The following DENND1A variants were observed in gnomAD, a reference collection of about 807,000 sequenced individuals.
DENND1A encodes the protein DENN domain-containing protein 1A.
Under a neutral mutation model 113.7 loss-of-function variants are expected in DENND1A, and 51 were observed. The ratio of observed to expected loss-of-function variants is 0.45; its 90% confidence interval spans 0.36 to 0.57. DENND1A has a LOEUF of 0.57. Ranked by LOEUF, DENND1A falls within the 20% of genes least tolerant of loss-of-function variation. The pLI is 0.00. For synonymous variants in DENND1A, 565 were observed against 570.8 expected (o/e 0.99, Z 0.14); for missense variants, 1,258 against 1,395.9 (o/e 0.90, Z 1.57).
intron 1 of DENND1A, among the ~76,000 whole-genome samples, chr9:123,881,612 T>C (rs2133599568): frequency 6.6e-6 from 1 of 152,348 alleles, no homozygotes; most frequent in East Asian, 1.9e-4. Context: ...TTAATTTATT[T>C]TTATGCATTT....
chr9:123,861,693 G>C (rs1845073889), intron 2 of DENND1A, among the ~76,000 whole-genome samples: 1 of 152,144 alleles, frequency 6.6e-6, no homozygotes, highest in Non-Finnish European at 1.5e-5. Context: ...TCAAGAGAAA[G>C]CAAACAAAGC....
chr9:123,678,352 C>G (rs1173508117), intron 5 of DENND1A, among the ~76,000 whole-genome samples: 1 of 152,192 alleles, frequency 6.6e-6, no homozygotes, highest in Non-Finnish European at 1.5e-5. Flanking sequence ...TATCCACACC[C>G]CCAAGCAGTT....
chr9:123,440,083 G>C (rs2046813729), intron 19 of DENND1A: 2 of 293,856 alleles, frequency 6.8e-6, no homozygotes, highest in South Asian at 8.4e-5. Flanking sequence ...CTTAAGCAGA[G>C]TGCCTTGGAG....
At chr9:123,683,048 G>A (rs1284669257) in intron 5 of DENND1A, among the ~76,000 whole-genome samples, 1 of 151,240 alleles carries the variant, frequency 6.6e-6, no homozygotes, top group Non-Finnish European at 1.5e-5. Context: ...ACCCTTTCAA[G>A]TTTCACCTAG....
chr9:123,653,155 T>C (rs1190320989), intron 8 of DENND1A, among the ~76,000 whole-genome samples: 2 of 152,210 alleles, frequency 1.3e-5, no homozygotes, highest in Non-Finnish European at 2.9e-5. Flanking sequence ...ACAAAGTGCT[T>C]TTCAACAATA....
intron 12 of DENND1A, among the ~76,000 whole-genome samples, chr9:123,559,188 C>T (rs1484564564): frequency 6.6e-6 from 1 of 152,094 alleles, no homozygotes; most frequent in Non-Finnish European, 1.5e-5. Context: ...AGAACCCTGG[C>T]TTCGGTGGCG....
intron 10 of DENND1A, among the ~76,000 whole-genome samples, chr9:123,615,307 G>A (rs1409676360): frequency 2.6e-5 from 4 of 152,212 alleles, no homozygotes; most frequent in South Asian, 2.1e-4. Context: ...TTCATCTGAC[G>A]TCACACAGCT....
At chr9:123,605,183 T>C (rs1000401326) in intron 11 of DENND1A, among the ~76,000 whole-genome samples, 1 of 152,178 alleles carries the variant, frequency 6.6e-6, no homozygotes, top group Non-Finnish European at 1.5e-5. Context: ...CTGTCATTGC[T>C]GTCACCTTTC....
chr9:123,513,156 T>G (rs899555556), intron 13 of DENND1A, among the ~76,000 whole-genome samples: 3 of 152,188 alleles, frequency 2.0e-5, no homozygotes, highest in African/African-American at 7.2e-5. Flanking sequence ...TGGCCTGACC[T>G]CTGGGTGGAA....
chr9:123,920,160 G>A (rs1855954424), intron 1 of DENND1A, among the ~76,000 whole-genome samples: 1 of 152,226 alleles, frequency 6.6e-6, no homozygotes, highest in Non-Finnish European at 1.5e-5. Context: ...GCCGGGCATG[G>A]TGGCTCAAGC....
chr9:123,849,113 C>G (rs549114852), intron 2 of DENND1A, among the ~76,000 whole-genome samples: 1 of 152,306 alleles, frequency 6.6e-6, no homozygotes, highest in Non-Finnish European at 1.5e-5. Flanking sequence ...GCTACACTAA[C>G]AAAAGATTTT....
At chr9:123,708,909 T>C (rs73665344) in intron 5 of DENND1A, among the ~76,000 whole-genome samples, 27,948 of 152,144 alleles carry the variant, frequency 0.18, 2,730 homozygotes, top group African/African-American at 0.26. Flanking sequence ...GACTTTACTG[T>C]TATGTATGAT....
intron 22 of DENND1A, 36 bp downstream of exon 22, chr9:123,387,694 G>A: frequency 7.8e-7 from 1 of 1,287,034 alleles, no homozygotes; most frequent in Non-Finnish European, 1.0e-6. Flanking sequence ...GAGTCACCAA[G>A]CCGAGCTCAG....
intron 2 of DENND1A, among the ~76,000 whole-genome samples, chr9:123,812,154 T>A (rs2132464606): frequency 6.6e-6 from 1 of 152,336 alleles, no homozygotes; most frequent in South Asian, 2.1e-4. Context: ...GTACGTTTAA[T>A]ATATATAAAT....
chr9:123,380,711 AT>A lies in DENND1A; in HGVS notation c.*720del, dbSNP rs67337649. On this transcript the variant is annotated 3_prime_UTR_variant, in exon 24 of 24. Transcript: ENST00000394215. The stretch of plus-strand genomic sequence containing the variant: ...CCAAAATACTCAGATGGGGGTTTCC[AT>A]TTTCCTTCTATAAATCAAAGTTGCT... 13,339 of 152,548 alleles carry A rather than the reference AT, an allele frequency of 0.087. 671 individuals are homozygous for A. Among genetic ancestry groups the A allele is most frequent in the African/African-American group, 0.13 (5,258 of 41,486 alleles). 9.4% of individuals were successfully genotyped at this position (152,548 alleles called of 1,614,324 possible).
intron 13 of DENND1A, among the ~76,000 whole-genome samples, chr9:123,471,205 A>C (rs574950697): frequency 6.6e-6 from 1 of 152,288 alleles, no homozygotes; most frequent in African/African-American, 2.4e-5. Context: ...GGGAACAGTG[A>C]AAGACACTGC....
At chr9:123,839,520 G>A (rs747774768) in intron 2 of DENND1A, among the ~76,000 whole-genome samples, 20 of 152,132 alleles carry the variant, frequency 1.3e-4, no homozygotes, top group Non-Finnish European at 2.2e-4. Flanking sequence ...TACAGTTTCC[G>A]CGACAGACAG....
At chr9:123,851,206 G>A (rs900635192) in intron 2 of DENND1A, among the ~76,000 whole-genome samples, 1 of 152,062 alleles carries the variant, frequency 6.6e-6, no homozygotes, top group African/African-American at 2.4e-5. Context: ...CCATCCCTAG[G>A]GAACCACTGG....
intron 10 of DENND1A, among the ~76,000 whole-genome samples, chr9:123,615,456 G>T (rs2060607052): frequency 6.6e-6 from 1 of 152,188 alleles, no homozygotes; most frequent in African/African-American, 2.4e-5. Context: ...CTCCCTAAGG[G>T]CTGGCCTGCA....
Sources: gnomAD v4.1 joint callset for allele counts (sites outside exome capture counted in the v4.1 genomes callset) on GRCh38, gnomAD v4.1.1 for gene constraint, MANE v1.5 for transcripts, NCBI Gene and HGNC (gene_info 2026-07-23, HGNC 2026-07-21) for gene names.